HECTD4: variants seen among roughly 807,000 people sequenced by gnomAD.
The protein encoded by HECTD4 is HECT domain E3 ubiquitin protein ligase 4.
HECTD4 carries 114 observed loss-of-function variants against 471.5 expected under a neutral mutation model. The ratio of observed to expected loss-of-function variants is 0.24; its 90% confidence interval spans 0.21 to 0.28. The LOEUF is 0.28. Ranked by LOEUF, HECTD4 falls within the 10% of genes least tolerant of loss-of-function variation. HECTD4 has a pLI of 1.00. For synonymous variants in HECTD4, 2,012 were observed against 2,256.0 expected, an observed-to-expected ratio of 0.89 and a Z score of 3.07; for missense variants, 3,866 against 5,651.5, an observed-to-expected ratio of 0.68 and a Z score of 10.13.
intron 25 of HECTD4, 47 bp downstream of exon 25, chr12:112,250,097 A>AC: frequency 7.3e-7 from 1 of 1,361,398 alleles, no homozygotes; most frequent in South Asian, 1.2e-5. Context: ...AATTGTTTAA[A>AC]CTTTTTTTTC....
intron 1 of HECTD4, among the ~76,000 whole-genome samples, chr12:112,328,980 T>G (rs2035797590): frequency 6.6e-6 from 1 of 152,218 alleles, no homozygotes; most frequent in African/African-American, 2.4e-5. Flanking sequence ...GACAGCAGGA[T>G]TGTCAGAATT....
intron 1 of HECTD4, among the ~76,000 whole-genome samples, chr12:112,336,517 C>A (rs1281703150): frequency 1.4e-5 from 2 of 147,586 alleles, no homozygotes; most frequent in African/African-American, 2.5e-5. Flanking sequence ...AGCAAGACTC[C>A]GTCTCAAAAA....
chr12:112,331,795 ACT>A (rs2035847830), intron 1 of HECTD4, among the ~76,000 whole-genome samples: 1 of 152,148 alleles, frequency 6.6e-6, no homozygotes, highest in African/African-American at 2.4e-5. Flanking sequence ...TTGAGCCAAC[ACT>A]GTTTTCAAAA....
intron 1 of HECTD4, among the ~76,000 whole-genome samples, chr12:112,373,105 T>C (rs2036714856): frequency 6.6e-6 from 1 of 152,172 alleles, no homozygotes. Flanking sequence ...TAGATGATGA[T>C]AGTATAACAT....
chr12:112,163,949 T>C lies in HECTD4; in HGVS notation c.12701+160A>G, dbSNP rs2030816088. On this transcript the variant is annotated intron_variant, in intron 73 of 75. Coordinates refer to ENST00000682272, the MANE Select transcript of HECTD4 (RefSeq NM_001388303.1). The surrounding 1 kb of genome is among the most constrained non-coding windows in gnomAD (Gnocchi z 8.2). ...CCCCTTCTGCTGAGGACCCTCTTTC[T>C]TGGCACCCACCATCCTGCCTCATCT... Among the ~76,000 whole-genome samples, 1 of 152,164 alleles carries C rather than the reference T, an allele frequency of 6.6e-6. No individual in the cohort carries two copies. Among genetic ancestry groups the C allele is most frequent in the African/African-American group, 2.4e-5 (1 of 41,444 alleles).
intron 11 of HECTD4, among the ~76,000 whole-genome samples, chr12:112,271,513 G>C (rs1290262648): frequency 6.6e-6 from 1 of 152,204 alleles, no homozygotes; most frequent in Non-Finnish European, 1.5e-5. Context: ...TACCTCTTCT[G>C]TGGTATTCTT....
rs1346288937 is a variant in HECTD4, at chr12:112,160,732, T to C, written c.*1655A>G. On this transcript the variant is annotated 3_prime_UTR_variant, in exon 76 of 76. Coordinates refer to ENST00000682272, the MANE Select transcript of HECTD4 (RefSeq NM_001388303.1). ...CTCTTTCATTATGCAGAAATGAAAA[T>C]AAAAGGATCCTTATTGTCAGGAATA... 2 of 152,116 alleles carry C rather than the reference T, an allele frequency of 1.3e-5. No homozygotes were observed. The highest frequency in any genetic ancestry group is 4.8e-5 in the African/African-American group (2 of 41,430). The allele number at this position is 152,116 out of a possible 1,614,324, so 9.4% of individuals were successfully genotyped here. A position where few individuals can be genotyped will look rare whatever the true frequency, so the allele number is the denominator to read the frequency against.
chr12:112,167,268 G>T (rs780897137), intron 72 of HECTD4, 49 bp downstream of exon 72: 1 of 1,517,318 alleles, frequency 6.6e-7, no homozygotes, highest in Non-Finnish European at 9.0e-7. Flanking sequence ...GCAAGGTGGC[G>T]GGGAGGCCCC....
intron 14 of HECTD4, among the ~76,000 whole-genome samples, chr12:112,266,478 T>C (rs2034274450): frequency 6.6e-6 from 1 of 152,260 alleles, no homozygotes; most frequent in Non-Finnish European, 1.5e-5. Flanking sequence ...TATATGCAGA[T>C]ACATTCTTTC....
intron 1 of HECTD4, among the ~76,000 whole-genome samples, chr12:112,338,593 C>T (rs1472147973): frequency 6.6e-6 from 1 of 152,016 alleles, no homozygotes; most frequent in Admixed American, 6.6e-5. Flanking sequence ...ACACTCCAGC[C>T]TGGGTGACAG....
intron 1 of HECTD4, among the ~76,000 whole-genome samples, chr12:112,335,966 G>C (rs1277003608): frequency 6.6e-6 from 1 of 152,014 alleles, no homozygotes; most frequent in Non-Finnish European, 1.5e-5. Flanking sequence ...CAGACATTAT[G>C]TGTGCACTGA....
chr12:112,251,652 C>A (rs2033891808), intron 23 of HECTD4, among the ~76,000 whole-genome samples: 1 of 152,206 alleles, frequency 6.6e-6, no homozygotes, highest in Non-Finnish European at 1.5e-5. Context: ...GCAGTTAATG[C>A]CACTCTGGAG....
At chr12:112,298,652 C>T (rs1031960202) in intron 7 of HECTD4, among the ~76,000 whole-genome samples, 7 of 151,368 alleles carry the variant, frequency 4.6e-5, no homozygotes. Flanking sequence ...GGAGGTCAAG[C>T]CCGGTGGATC....
intron 1 of HECTD4, among the ~76,000 whole-genome samples, chr12:112,360,892 G>A (rs1280219394): frequency 6.6e-6 from 1 of 151,664 alleles, no homozygotes; most frequent in African/African-American, 2.4e-5. Context: ...GCTGAGGCAG[G>A]AGAATCGCTT....
intron 48 of HECTD4, among the ~76,000 whole-genome samples, 160 bp downstream of exon 48, chr12:112,216,132 G>A (rs1011125201): frequency 6.6e-6 from 1 of 152,110 alleles, no homozygotes; most frequent in African/African-American, 2.4e-5. Flanking sequence ...TAAAGTGAGG[G>A]GTTTGGTGTA....
intron 1 of HECTD4, among the ~76,000 whole-genome samples, chr12:112,337,915 C>A (rs2035987803): frequency 6.6e-6 from 1 of 152,166 alleles, no homozygotes; most frequent in Non-Finnish European, 1.5e-5. Context: ...GTTCAAAAAC[C>A]TTGGAAATCA....
Position 112,188,300 on chromosome 12 carries a change from ATAAG to A in HECTD4, c.9472+2482_9472+2485del, listed in dbSNP as rs2031956075. On this transcript the variant is annotated intron_variant, in intron 60 of 75. Coordinates refer to ENST00000682272, the MANE Select transcript of HECTD4 (RefSeq NM_001388303.1). This position sits in a 1 kb window ranked among gnomAD's most constrained non-coding sequence, Gnocchi z 4.2. ...TGAGACTACATTTCAAAAAAATAAAATAAGTAAGTAAATAAATGCTGACAGGCAC... is the reference window on the plus strand; with the variant it reads ...TGAGACTACATTTCAAAAAAATAAAATAAGTAAATAAATGCTGACAGGCAC... Among the ~76,000 whole-genome samples, 1 of 152,184 alleles carries A rather than the reference ATAAG, an allele frequency of 6.6e-6. No homozygotes were observed. Among genetic ancestry groups the A allele is most frequent in the Non-Finnish European group, 1.5e-5 (1 of 68,042 alleles).
rs542687506 is a variant in HECTD4 at position 112,187,698 on chromosome 12, C to G, written c.9473-2205G>C. 2.1e-5 allele frequency among the ~76,000 whole-genome samples: 3 copies of G among 141,654 alleles called. No homozygotes were observed. In the East Asian group the frequency reaches 6.3e-4, roughly 30 times the overall value. 92.9% of individuals were successfully genotyped at this position (141,654 alleles called of 152,430 possible). On this transcript the variant is annotated intron_variant, in intron 60 of 75. Coordinates refer to ENST00000682272, the MANE Select transcript of HECTD4 (RefSeq NM_001388303.1). Reference sequence around the variant, plus strand: ...CTGGAGTGCCGTGGTGCCATCTCGGCTCACTGTAAGCTCCGCCTCCTGGGT... The same window carrying G: ...CTGGAGTGCCGTGGTGCCATCTCGGGTCACTGTAAGCTCCGCCTCCTGGGT...
chr12:112,317,499 C>T (rs913736318), intron 2 of HECTD4, among the ~76,000 whole-genome samples: 1 of 152,102 alleles, frequency 6.6e-6, no homozygotes, highest in African/African-American at 2.4e-5. Context: ...GAAAGAAGAT[C>T]CCAACCAAGG....
Sources: allele counts gnomAD v4.1 joint callset (sites outside exome capture counted in the v4.1 genomes callset), GRCh38; gene constraint gnomAD v4.1.1; non-coding constraint Gnocchi (gnomAD v3.1); transcripts MANE v1.5; gene names NCBI Gene and HGNC (gene_info 2026-07-23, HGNC 2026-07-21).